UBE2U: variants seen among roughly 807,000 people sequenced by gnomAD.
UBE2U encodes ubiquitin conjugating enzyme E2 U, also known as ubiquitin-conjugating enzyme E2 U.
In UBE2U, 39 loss-of-function variants were observed where a neutral mutation model predicts 41.2. That is an observed-to-expected ratio of 0.95 (90% CI 0.73 to 1.24). The LOEUF is 1.24. Among genes scored for constraint, UBE2U ranks in the 50% most tolerant of loss-of-function variants. The pLI is 0.00. For missense variants in UBE2U, 336 were observed against 363.1 expected (o/e 0.93, Z 0.61); for synonymous variants, 107 against 117.8 (o/e 0.91, Z 0.60).
rs10127527 is a variant in UBE2U at position 64,239,074 on chromosome 1, G to A, written c.596-2578G>A. 1.2e-3 allele frequency among the ~76,000 whole-genome samples: 76 copies of A among 62,740 alleles called. 2 individuals carry two copies. The South Asian group carries it at 0.012, about 10-fold the overall frequency. 41.2% of individuals were successfully genotyped at this position (62,740 alleles called of 152,430 possible). On this transcript the variant is annotated intron_variant, in intron 7 of 9. Coordinates refer to ENST00000371077, the MANE Select transcript of UBE2U (RefSeq NM_001366232.2). Reference sequence around the variant, plus strand: ...AAGAAGAAGAAGAAGAAGAGGAAGAGGAAGAGGAAGAGGAAGAGGAAGAAG... The same window carrying A: ...AAGAAGAAGAAGAAGAAGAGGAAGAAGAAGAGGAAGAGGAAGAGGAAGAAG...
rs1205234671 is a variant in UBE2U at position 64,213,023 on chromosome 1, T to C, written c.340-1792T>C. On this transcript the variant is annotated intron_variant, in intron 4 of 9. Coordinates refer to ENST00000371077, the MANE Select transcript of UBE2U (RefSeq NM_001366232.2). ...GAAGGAAAAGAAAATCACTGACAATTATAAAGAAAACCCTTAACTTTACTG... is the reference window on the plus strand; with the variant it reads ...GAAGGAAAAGAAAATCACTGACAATCATAAAGAAAACCCTTAACTTTACTG... 2.0e-5 allele frequency among the ~76,000 whole-genome samples: 3 copies of C among 152,158 alleles called. No individual in the cohort carries two copies. The East Asian group carries it at 5.8e-4, about 29-fold the overall frequency.
chr1:64,228,689 T>C (rs1158377788), intron 6 of UBE2U, among the ~76,000 whole-genome samples: 9 of 33,992 alleles, frequency 2.6e-4, no homozygotes, highest in African/African-American at 3.8e-4. Flanking sequence ...TCTCTCTCTT[T>C]TTTTTTTTTT....
chr1:64,207,785 T>C (rs1182810013), intron 3 of UBE2U, among the ~76,000 whole-genome samples: 2 of 152,198 alleles, frequency 1.3e-5, no homozygotes, highest in East Asian at 1.9e-4. Context: ...CCAGTAACTG[T>C]ATGGAAAATA....
rs973827199 is a variant in UBE2U at position 64,234,503 on chromosome 1, A to G, written c.595+1854A>G. ...ATAGTGAAAAATAGTATCAAGTTTT[A>G]AGGTACAAATGAGGGCAAAAAATAG... is the stretch of plus-strand genomic sequence containing the variant. On this transcript the variant is annotated intron_variant, in intron 7 of 9. Coordinates refer to ENST00000371077, the MANE Select transcript of UBE2U (RefSeq NM_001366232.2). 2.0e-5 allele frequency among the ~76,000 whole-genome samples: 3 copies of G among 152,210 alleles called. No homozygotes were observed. In the East Asian group the frequency reaches 5.8e-4, roughly 29 times the overall value.
intron 8 of UBE2U, among the ~76,000 whole-genome samples, chr1:64,249,946 G>A (rs1644980685): frequency 6.6e-6 from 1 of 151,950 alleles, no homozygotes; most frequent in African/African-American, 2.4e-5. Context: ...ATATAAAGAA[G>A]CCATACCAAA....
At chr1:64,259,310 G>A (rs1185705818) in intron 8 of UBE2U, among the ~76,000 whole-genome samples, 3 of 152,088 alleles carry the variant, frequency 2.0e-5, no homozygotes, top group African/African-American at 7.2e-5. Flanking sequence ...TTGCTGTGCA[G>A]AAGCTCTTTA....
chr1:64,230,252 A>G (rs1250728551), intron 6 of UBE2U, among the ~76,000 whole-genome samples: 2 of 152,052 alleles, frequency 1.3e-5, no homozygotes, highest in Non-Finnish European at 1.5e-5. Context: ...TCTCCCTTCT[A>G]TACTCCACCC....
chr1:64,255,029 T>G (rs1645068312), intron 8 of UBE2U, among the ~76,000 whole-genome samples: 1 of 151,834 alleles, frequency 6.6e-6, no homozygotes, highest in Admixed American at 6.6e-5. Context: ...CTAGCTAGAT[T>G]AATAAAGAAG....
At chr1:64,248,427 T>G (rs999601034) in intron 8 of UBE2U, among the ~76,000 whole-genome samples, 1 of 152,186 alleles carries the variant, frequency 6.6e-6, no homozygotes, top group Non-Finnish European at 1.5e-5. Context: ...AAAGTCAAAT[T>G]ACTAATGGAA....
At chr1:64,265,603 G>T (rs182186346) in intron 9 of UBE2U, among the ~76,000 whole-genome samples, 1 of 152,236 alleles carries the variant, frequency 6.6e-6, no homozygotes, top group Admixed American at 6.5e-5. Flanking sequence ...TTTTGAGAGG[G>T]AGTCTCACTC....
chr1:64,234,741 T>C (rs1644635228), intron 7 of UBE2U, among the ~76,000 whole-genome samples: 1 of 152,204 alleles, frequency 6.6e-6, no homozygotes, highest in Non-Finnish European at 1.5e-5. Context: ...CCAGAGTACC[T>C]GAATGGTTAA....
chr1:64,231,726 T>C (rs913309063), intron 6 of UBE2U, among the ~76,000 whole-genome samples: 1 of 152,216 alleles, frequency 6.6e-6, no homozygotes. Context: ...GCTAATATAC[T>C]TGTTCTGACT....
At chr1:64,246,794 T>C (rs528381776) in intron 8 of UBE2U, among the ~76,000 whole-genome samples, 6 of 152,300 alleles carry the variant, frequency 3.9e-5, no homozygotes, top group Admixed American at 3.9e-4. Flanking sequence ...ATTAGCTCCA[T>C]TTCATAAAGA....
rs1651325361 is a variant in UBE2U at position 64,206,801 on chromosome 1, G to A, written c.186G>A (p.Glu62=). Residue 62 remains glutamate (E), a synonymous_variant, in exon 3 of 10, where the codon GAG becomes GAA. Transcript: ENST00000371077. ...AACTGACAATACATTTTACATCGGA[G>A]TACAACTATGCTCCTCCAGTTGTGA... is the stretch of plus-strand genomic sequence containing the variant. ...VFQLTIHFTS[E]YNYAPPVVKF... is the part of the protein sequence containing the mutation. 1.2e-6 allele frequency: 2 copies of A among 1,605,906 alleles called. No individual in the cohort carries two copies. Among genetic ancestry groups the A allele is most frequent in the Admixed American group, 1.7e-5 (1 of 59,350 alleles).
intron 7 of UBE2U, among the ~76,000 whole-genome samples, chr1:64,239,114 G>GAAGGAAGA (rs1553168944): frequency 4.6e-4 from 8 of 17,474 alleles, no homozygotes; most frequent in African/African-American, 3.9e-3. Flanking sequence ...AGAAGAAGAA[G>GAAGGAAGA]AAGAAGAAGA....
At chr1:64,219,130 C>T (rs976384036) in intron 5 of UBE2U, among the ~76,000 whole-genome samples, 1 of 152,098 alleles carries the variant, frequency 6.6e-6, no homozygotes, top group African/African-American at 2.4e-5. Context: ...GGGAGCTAAA[C>T]CTTTTATAAC....
At chr1:64,246,297 A>G (rs146679190) in intron 8 of UBE2U, among the ~76,000 whole-genome samples, 1,582 of 152,260 alleles carry the variant, frequency 0.01, 33 homozygotes, top group African/African-American at 0.036. Context: ...TTTTGTGAGC[A>G]TGTTTTAACT....
In UBE2U at chr1:64,203,702, G is replaced by A. The variant is rs1252975212; in HGVS notation, c.-349G>A. The A allele has an allele frequency of 4.5e-5, 9 of 199,550 alleles. No individual in the cohort carries two copies. The East Asian group carries it at 1.0e-3, about 22-fold the overall frequency. 12.4% of individuals were successfully genotyped at this position (199,550 alleles called of 1,614,324 possible). On this transcript the variant is annotated 5_prime_UTR_variant, in exon 1 of 10. Coordinates refer to ENST00000371077, the MANE Select transcript of UBE2U (RefSeq NM_001366232.2). The stretch of plus-strand genomic sequence containing the variant: ...ACAACCTGCTAGGACCCTGATAGGC[G>A]TACACCTCTCACTCCCACTCACGCG...
At position 64,221,778 on chromosome 1, in the gene UBE2U, A is replaced by G. The variant is rs146560457; in HGVS notation, c.506+871A>G. On this transcript the variant is annotated intron_variant, in intron 6 of 9. Coordinates refer to ENST00000371077, the MANE Select transcript of UBE2U (RefSeq NM_001366232.2). Reference sequence around the variant, plus strand: ...ATATTTCCTTGACTAGCTCTGTATAAAAGTTGAGTAAAATTAGATAACTTA... The same window carrying G: ...ATATTTCCTTGACTAGCTCTGTATAGAAGTTGAGTAAAATTAGATAACTTA... Among the ~76,000 whole-genome samples, 87 of 152,254 alleles carry G rather than the reference A, an allele frequency of 5.7e-4. 1 individual carries two copies. The highest frequency in any genetic ancestry group is 6.8e-3 in the Middle Eastern group (2 of 294).
Sources: allele counts gnomAD v4.1 joint callset (sites outside exome capture counted in the v4.1 genomes callset), GRCh38; gene constraint gnomAD v4.1.1; transcripts MANE v1.5; gene names NCBI Gene and HGNC (gene_info 2026-07-23, HGNC 2026-07-21).